The following TRABD2B variants were observed in gnomAD, a reference collection of about 807,000 sequenced individuals.
TRABD2B encodes metalloprotease TIKI2.
A neutral mutation model predicts 40.1 loss-of-function variants in TRABD2B; 14 were observed. The ratio of observed to expected loss-of-function variants is 0.35; its 90% CI spans 0.23 to 0.55. The LOEUF (loss-of-function observed/expected upper bound fraction) is 0.55, where lower values mean the gene tolerates loss of function less well. TRABD2B is among the 20% of genes least tolerant of loss of function. The pLI, the probability that TRABD2B is intolerant of heterozygous loss-of-function variation, is 0.90. For synonymous variants in TRABD2B, 263 were observed against 277.0 expected, an observed-to-expected ratio of 0.95 and a Z score of 0.50; for missense variants, 541 against 648.6, an observed-to-expected ratio of 0.83 and a Z score of 1.80.
chr1:47,857,794 TG>T (rs777603821), intron 2 of TRABD2B, among the ~76,000 whole-genome samples: 2 of 152,150 alleles, frequency 1.3e-5, no homozygotes, highest in Admixed American at 6.5e-5. Context: ...AGCATCATTT[TG>T]ACACACAGTA....
intron 6 of TRABD2B, among the ~76,000 whole-genome samples, chr1:47,772,489 G>A (rs1204276631): frequency 1.3e-5 from 2 of 151,964 alleles, no homozygotes; most frequent in Non-Finnish European, 2.9e-5. Context: ...TGGGGGCACT[G>A]TAGGACCCCA....
At chr1:47,951,861 C>T (rs1034453685) in intron 2 of TRABD2B, among the ~76,000 whole-genome samples, 8 of 152,292 alleles carry the variant, frequency 5.3e-5, no homozygotes, top group Admixed American at 1.3e-4. Context: ...TGATGTGCCC[C>T]GCTCAATGTC....
At chr1:47,860,021 T>A (rs1162560684) in intron 2 of TRABD2B, among the ~76,000 whole-genome samples, 2 of 152,232 alleles carry the variant, frequency 1.3e-5, no homozygotes, top group Admixed American at 6.5e-5. Context: ...TGAATCTGCT[T>A]GGTCAGACTG....
intron 4 of TRABD2B, among the ~76,000 whole-genome samples, chr1:47,789,376 T>C (rs1323223520): frequency 6.6e-6 from 1 of 152,180 alleles, no homozygotes; most frequent in Non-Finnish European, 1.5e-5. Context: ...AGCTGGCATG[T>C]GCCCTAATCT....
chr1:47,873,102 C>T (rs59990848), intron 2 of TRABD2B, among the ~76,000 whole-genome samples: 192 of 152,216 alleles, frequency 1.3e-3, no homozygotes, highest in East Asian at 7.2e-3. Context: ...AGCTTTAATC[C>T]GATCATTAAT....
At chr1:47,780,212 T>G (rs1375853027) in intron 4 of TRABD2B, among the ~76,000 whole-genome samples, 1 of 152,170 alleles carries the variant, frequency 6.6e-6, no homozygotes, top group Non-Finnish European at 1.5e-5. Context: ...GCTTGGAATG[T>G]CAGAGGGCTC....
intron 2 of TRABD2B, among the ~76,000 whole-genome samples, chr1:47,970,587 G>A (rs921995263): frequency 6.6e-6 from 1 of 152,174 alleles, no homozygotes; most frequent in Non-Finnish European, 1.5e-5. Flanking sequence ...AGCTATTGCT[G>A]TGTTACAAAC....
intron 4 of TRABD2B, among the ~76,000 whole-genome samples, chr1:47,792,131 A>G (rs544242323): frequency 1.8e-4 from 27 of 152,356 alleles, no homozygotes; most frequent in Admixed American, 1.6e-3. Context: ...ACGTGGCTCC[A>G]GATCTGTTGT....
intron 2 of TRABD2B, among the ~76,000 whole-genome samples, chr1:47,933,128 C>T (rs1217409255): frequency 2.0e-5 from 3 of 149,350 alleles, no homozygotes. Flanking sequence ...TTTTTTGAGA[C>T]GCAGTCTCAC....
At chr1:47,909,563 AGGAG>A (rs1644728016) in intron 2 of TRABD2B, among the ~76,000 whole-genome samples, 1 of 2,790 alleles carries the variant, frequency 3.6e-4, no homozygotes, top group African/African-American at 3.9e-4. Flanking sequence ...AGGAAGAAGG[AGGAG>A]GAGGAGGAGG....
intron 2 of TRABD2B, among the ~76,000 whole-genome samples, chr1:47,929,258 A>T (rs898938222): frequency 6.6e-5 from 10 of 152,182 alleles, no homozygotes; most frequent in African/African-American, 2.4e-4. Context: ...TTGAAGAGAG[A>T]GAGCCTCCTT....
intron 2 of TRABD2B, among the ~76,000 whole-genome samples, chr1:47,902,452 C>T (rs2124682507): frequency 6.6e-6 from 1 of 152,238 alleles, no homozygotes; most frequent in Admixed American, 6.5e-5. Flanking sequence ...TCCACAGTGG[C>T]TCTATACTCT....
intron 2 of TRABD2B, among the ~76,000 whole-genome samples, chr1:47,843,210 C>T (rs532072975): frequency 2.0e-5 from 3 of 152,036 alleles, no homozygotes; most frequent in South Asian, 2.1e-4. Context: ...GGTTTTAAGC[C>T]GGGGGCATAA....
At chr1:47,817,703 G>T (rs1423773263) in intron 2 of TRABD2B, among the ~76,000 whole-genome samples, 1 of 152,166 alleles carries the variant, frequency 6.6e-6, no homozygotes, top group Non-Finnish European at 1.5e-5. Flanking sequence ...CTCCTCTAGG[G>T]ATGAGGGCCC....
chr1:47,855,441 T>C (rs1336443231), intron 2 of TRABD2B, among the ~76,000 whole-genome samples: 3 of 152,240 alleles, frequency 2.0e-5, no homozygotes, highest in Non-Finnish European at 4.4e-5. Flanking sequence ...ATAAACAGTA[T>C]GGGATATCGT....
intron 2 of TRABD2B, among the ~76,000 whole-genome samples, chr1:47,945,412 C>T (rs1049233457): frequency 2.0e-5 from 3 of 152,186 alleles, no homozygotes; most frequent in Non-Finnish European, 4.4e-5. Context: ...GCTCTCAGAG[C>T]TTTCATGGTT....
chr1:47,977,584 T>C (rs1339558420), intron 2 of TRABD2B, among the ~76,000 whole-genome samples: 1 of 152,034 alleles, frequency 6.6e-6, no homozygotes, highest in Non-Finnish European at 1.5e-5. Flanking sequence ...AAGGAATCTG[T>C]TGGAAGTCAC....
At chr1:47,854,016 C>T (rs1039159847) in intron 2 of TRABD2B, among the ~76,000 whole-genome samples, 1 of 152,208 alleles carries the variant, frequency 6.6e-6, no homozygotes, top group Non-Finnish European at 1.5e-5. Flanking sequence ...CCTTCTCCCA[C>T]TAGCCTCATT....
chr1:47,832,847 G>C (rs1645268874), intron 2 of TRABD2B, among the ~76,000 whole-genome samples: 1 of 152,122 alleles, frequency 6.6e-6, no homozygotes, highest in Non-Finnish European at 1.5e-5. Context: ...ACGGGAGCTT[G>C]TGAGGACCTG....
Sources: gnomAD v4.1 joint callset for allele counts (sites outside exome capture counted in the v4.1 genomes callset) on GRCh38, gnomAD v4.1.1 for gene constraint, MANE v1.5 for transcripts, NCBI Gene and HGNC (gene_info 2026-07-23, HGNC 2026-07-21) for gene names.